The following RORA variants were observed in gnomAD, a reference collection of about 807,000 sequenced individuals.
RORA encodes RAR related orphan receptor A.
In RORA, 7 loss-of-function variants were observed where a neutral mutation model predicts 69.5. The observed-to-expected ratio is 0.10, with a 90% CI of 0.06 to 0.19. RORA has a LOEUF of 0.19. Ranked by LOEUF, RORA falls within the 10% of genes least tolerant of loss-of-function variation. The probability of loss-of-function intolerance (pLI) is 1.00; values close to 1 mark genes in which losing one functional copy is unlikely to be tolerated. For synonymous variants in RORA, 261 were observed against 240.8 expected (o/e 1.08, Z -0.78); for missense variants, 457 against 663.0 (o/e 0.69, Z 3.41).
At chr15:60,799,988 G>A (rs1313074852) in intron 1 of RORA, among the ~76,000 whole-genome samples, 6 of 152,204 alleles carry the variant, frequency 3.9e-5, no homozygotes, top group South Asian at 2.1e-4. Flanking sequence ...ATAGAGGGCT[G>A]CAGCCAGGGC....
intron 1 of RORA, among the ~76,000 whole-genome samples, chr15:60,899,541 G>T (rs1323771055): frequency 6.6e-6 from 1 of 152,176 alleles, no homozygotes; most frequent in East Asian, 1.9e-4. Context: ...GCAGTTTTTA[G>T]CCACACTTCT....
chr15:60,878,708 G>A (rs753349392), intron 1 of RORA, among the ~76,000 whole-genome samples: 28 of 152,176 alleles, frequency 1.8e-4, no homozygotes, highest in Non-Finnish European at 3.8e-4. Context: ...GGGCCCTGCA[G>A]AAACAGCAGC....
intron 1 of RORA, among the ~76,000 whole-genome samples, chr15:60,871,636 A>C (rs1381270264): frequency 1.3e-5 from 2 of 152,242 alleles, no homozygotes; most frequent in Non-Finnish European, 2.9e-5. Context: ...TTTTCCACTT[A>C]AGAAAGGAAG....
At chr15:61,107,346 T>C (rs1338002155) in intron 1 of RORA, among the ~76,000 whole-genome samples, 1 of 152,038 alleles carries the variant, frequency 6.6e-6, no homozygotes, top group Non-Finnish European at 1.5e-5. Flanking sequence ...TGTACGAAAC[T>C]GCAGTACTTT....
chr15:61,160,954 ACTGGGGCAAGCACGGAT>A (rs2079489922), intron 1 of RORA, among the ~76,000 whole-genome samples: 1 of 152,178 alleles, frequency 6.6e-6, no homozygotes, highest in African/African-American at 2.4e-5. Flanking sequence ...CCCACTTTGC[ACTGGGGCAAGCACGGAT>A]GTTTGGAGAC....
chr15:60,833,390 A>G (rs974630931), intron 1 of RORA, among the ~76,000 whole-genome samples: 1 of 151,620 alleles, frequency 6.6e-6, no homozygotes, highest in Admixed American at 6.6e-5. Context: ...TAATTTTTGT[A>G]TTTTTAGTAG....
At chr15:60,936,191 C>T (rs1249985589) in intron 1 of RORA, among the ~76,000 whole-genome samples, 2 of 152,192 alleles carry the variant, frequency 1.3e-5, no homozygotes, top group African/African-American at 2.4e-5. Context: ...ATCTATGGCC[C>T]TGGGGGAAGC....
chr15:60,513,272 C>A (rs1379881076), intron 4 of RORA, among the ~76,000 whole-genome samples: 1 of 152,196 alleles, frequency 6.6e-6, no homozygotes, highest in Non-Finnish European at 1.5e-5. Flanking sequence ...AATTTCTTAA[C>A]CTCCAGAATT....
At chr15:60,817,172 C>A (rs563071916) in intron 1 of RORA, among the ~76,000 whole-genome samples, 3 of 152,186 alleles carry the variant, frequency 2.0e-5, no homozygotes, top group African/African-American at 7.2e-5. Flanking sequence ...GAAGTACAGG[C>A]AAATGTCGGA....
intron 1 of RORA, among the ~76,000 whole-genome samples, chr15:60,730,364 G>T (rs1265905211): frequency 6.6e-6 from 1 of 152,172 alleles, no homozygotes; most frequent in Non-Finnish European, 1.5e-5. Context: ...TTGGCCAAAT[G>T]GTCTTAACCT....
intron 1 of RORA, among the ~76,000 whole-genome samples, chr15:60,880,776 G>A (rs4775309): frequency 0.55 from 82,946 of 152,144 alleles, 23,329 homozygotes; most frequent in Non-Finnish European, 0.61. Flanking sequence ...GCAACAGACT[G>A]GTTTTTATAG....
intron 1 of RORA, among the ~76,000 whole-genome samples, chr15:61,210,200 GC>G (rs1370621283): frequency 6.6e-6 from 1 of 152,190 alleles, no homozygotes; most frequent in Non-Finnish European, 1.5e-5. Context: ...ATGTGCAGAA[GC>G]TCAGAATTGA....
chr15:60,835,467 C>T (rs1212001261), intron 1 of RORA, among the ~76,000 whole-genome samples: 3 of 152,188 alleles, frequency 2.0e-5, no homozygotes, highest in African/African-American at 7.2e-5. Context: ...ACCATCAGCT[C>T]TCTGATTGGC....
At chr15:60,950,955 G>A (rs1254734265) in intron 1 of RORA, among the ~76,000 whole-genome samples, 1 of 150,362 alleles carries the variant, frequency 6.7e-6, no homozygotes, top group Non-Finnish European at 1.5e-5. Flanking sequence ...GACATCTACA[G>A]AACTCTCCAC....
intron 1 of RORA, among the ~76,000 whole-genome samples, chr15:60,690,348 G>A (rs2070805357): frequency 1.3e-5 from 2 of 152,168 alleles, no homozygotes; most frequent in Admixed American, 1.3e-4. Flanking sequence ...AAAGGAAGCT[G>A]TTCACTCTGG....
At chr15:60,529,482 T>C (rs776610671) in intron 3 of RORA, 6 of 152,230 alleles carry the variant, frequency 3.9e-5, no homozygotes, top group Non-Finnish European at 7.3e-5. Flanking sequence ...TGGCTAGGCA[T>C]AGGCCCAATC....
chr15:61,159,249 C>T (rs1193156323), intron 1 of RORA, among the ~76,000 whole-genome samples: 1 of 152,170 alleles, frequency 6.6e-6, no homozygotes, highest in Non-Finnish European at 1.5e-5. Context: ...CACACCCCTT[C>T]GAGACACATC....
chr15:60,523,052 A>AAAAAAAAACACACAC (rs1555426067), intron 3 of RORA, among the ~76,000 whole-genome samples: 3 of 148,732 alleles, frequency 2.0e-5, no homozygotes, highest in Non-Finnish European at 4.4e-5. Context: ...AAAAAACACA[A>AAAAAAAAACACACAC]AAAAAAAAAC....
At chr15:60,582,256 T>A (rs1378014531) in intron 2 of RORA, among the ~76,000 whole-genome samples, 1 of 152,202 alleles carries the variant, frequency 6.6e-6, no homozygotes, top group African/African-American at 2.4e-5. Context: ...CAAAAGGAAC[T>A]GATTAGCTGA....
Sources: gnomAD v4.1 joint callset for allele counts (sites outside exome capture counted in the v4.1 genomes callset) on GRCh38, gnomAD v4.1.1 for gene constraint, MANE v1.5 for transcripts, NCBI Gene and HGNC (gene_info 2026-07-23, HGNC 2026-07-21) for gene names.